Variants in FRMD1 observed in about 807,000 individuals in gnomAD.
FRMD1 encodes the protein FERM domain containing 1.
FRMD1 carries 51 observed loss-of-function variants against 54.9 expected under a neutral mutation model. The observed-to-expected ratio is 0.93, with a 90% confidence interval of 0.74 to 1.17. The LOEUF (loss-of-function observed/expected upper bound fraction) is 1.17, where lower values mean the gene tolerates loss of function less well. Ranked by LOEUF, FRMD1 falls within the 50% of genes most tolerant of loss-of-function variation. The probability of loss-of-function intolerance (pLI) is 0.00; values close to 1 mark genes in which losing one functional copy is unlikely to be tolerated. For synonymous variants in FRMD1, 324 were observed against 306.4 expected, an observed-to-expected ratio of 1.06 and a Z score of -0.60; for missense variants, 729 against 743.0, an observed-to-expected ratio of 0.98 and a Z score of 0.22.
chr6:168,063,197 C>T (rs551951610), intron 6 of FRMD1, among the ~76,000 whole-genome samples: 2 of 152,344 alleles, frequency 1.3e-5, no homozygotes, highest in African/African-American at 4.8e-5. Context: ...GAGAGCCTGG[C>T]CATGCCGGGC....
At chr6:168,075,688 C>A (rs1255116872) in intron 1 of FRMD1, 10 of 1,416,474 alleles carry the variant, frequency 7.1e-6, no homozygotes, top group East Asian at 2.5e-5. Flanking sequence ...TGTCCTCGCA[C>A]GGCACAAATG....
At chr6:168,075,209 G>T in intron 2 of FRMD1, 36 bp downstream of exon 2, 1 of 1,583,508 alleles carries the variant, frequency 6.3e-7, no homozygotes, top group Non-Finnish European at 8.7e-7. Flanking sequence ...TGCGGCCCCT[G>T]GGCATTCCTG....
At chr6:168,062,571 C>T (rs1052549952) in intron 7 of FRMD1, 2 of 1,218,128 alleles carry the variant, frequency 1.6e-6, no homozygotes, top group Non-Finnish European at 2.3e-6. Context: ...CAGGAAGGGA[C>T]CTGCACCTCT....
At chr6:168,063,819 C>T in intron 5 of FRMD1, 63 bp from the exon 6 acceptor site, 2 of 1,509,852 alleles carry the variant, frequency 1.3e-6, no homozygotes, top group East Asian at 2.5e-5. Flanking sequence ...CCTTGCCAGC[C>T]CCCTGCTCCG....
At chr6:168,082,081 A>C (rs1219603250), upstream of FRMD1, among the ~76,000 whole-genome samples, 1 of 152,030 alleles carries the variant, frequency 6.6e-6, no homozygotes, top group African/African-American at 2.4e-5. Context: ...GCCTGTGTGG[A>C]TGTGAGTGGG....
chr6:168,078,993 C>A lies in FRMD1; in HGVS notation c.102G>T (p.Arg34Ser), dbSNP rs781712962. The change falls in exon 1 of 11, where the codon AGG becomes AGT. Residue 34 changes from arginine to serine, a missense_variant. Arg to Ser is a moderately radical substitution (Grantham distance 110). Transcript: ENST00000283309. ...TCGGCTCCTGCTGACTGCATGCAGG[C>A]CTCTCAGGACTGGGTTCCATACATC... ...GARCMEPSPE[R>S]PACSQQEPTL... 3.1e-6 allele frequency: 5 copies of A among 1,612,278 alleles called. No individual in the cohort carries two copies. The African/African-American group carries it at 5.3e-5, about 17-fold the overall frequency.
At position 168,079,198 on chromosome 6, in the gene FRMD1, A is replaced by G. The variant is rs1209515136; in HGVS notation, c.-104T>C. 5.6e-6 allele frequency: 8 copies of G among 1,426,164 alleles called. No homozygotes were observed. The highest frequency in any genetic ancestry group is 7.3e-6 in the Non-Finnish European group (8 of 1,090,568). 88.3% of individuals were successfully genotyped at this position (1,426,164 alleles called of 1,614,324 possible). On this transcript the variant is annotated 5_prime_UTR_variant, in exon 1 of 11. Coordinates refer to ENST00000283309, the MANE Select transcript of FRMD1 (RefSeq NM_024919.6). ...GGGACCCGCCCTTGCCGAGCTTCTC[A>G]CTGGGAAGGGAATTGAGAGGGAAGC...
upstream of FRMD1, among the ~76,000 whole-genome samples, chr6:168,080,358 C>G (rs879824566): frequency 6.6e-6 from 1 of 151,402 alleles, no homozygotes; most frequent in Non-Finnish European, 1.5e-5. Flanking sequence ...GTGGCGGTCT[C>G]TTTTCTCTCC....
chr6:168,066,736 A>G lies in FRMD1; in HGVS notation c.461+19T>C. 6.2e-7 allele frequency: 1 copy of G among 1,605,570 alleles called. No homozygotes were observed. The highest frequency in any genetic ancestry group is 8.5e-7 in the Non-Finnish European group (1 of 1,176,648). ...TTCAGTATTCCAGGAAACACCCCTT[A>G]CAGTCCGCATGCCGTTACCTTATGA... is the stretch of plus-strand genomic sequence containing the variant. On this transcript the variant is annotated intron_variant, in intron 4 of 10. Transcript: ENST00000283309.
chr6:168,068,471 A>G (rs1183397174), intron 2 of FRMD1, among the ~76,000 whole-genome samples: 1 of 152,100 alleles, frequency 6.6e-6, no homozygotes, highest in Non-Finnish European at 1.5e-5. Flanking sequence ...CATGTACCCT[A>G]TGCACATCCT....
rs767371388 is a variant in FRMD1, at chr6:168,063,723, G to A, written c.682C>T (p.Arg228Trp). Reference sequence around the variant, plus strand: ...TCACGGTGCAGGGTAGGCATGTGCCGGAGGATGTAGTCAATCCCCCTCTTG... The same window carrying A: ...TCACGGTGCAGGGTAGGCATGTGCCAGAGGATGTAGTCAATCCCCCTCTTG... ...ITKRGIDYIL[R>W]HMPTLHRERQ... Residue 228 changes from arginine (R) to tryptophan (W), a missense_variant, in exon 6 of 11, where the codon CGG (arginine) becomes TGG (tryptophan). Transcript: ENST00000283309. The A allele has an allele frequency of 1.1e-5, 18 of 1,613,354 alleles. No individual in the cohort carries two copies. The highest frequency in any genetic ancestry group is 1.6e-4 in the Middle Eastern group (1 of 6,078).
At chr6:168,075,138 G>C (rs1205069073) in intron 2 of FRMD1, 107 bp downstream of exon 2, 6 of 860,734 alleles carry the variant, frequency 7.0e-6, no homozygotes, top group Non-Finnish European at 1.2e-5. Context: ...TATGAGAGTG[G>C]TGTATAACTG....
chr6:168,059,264 C>T lies in FRMD1; in HGVS notation c.1343-76G>A. On this transcript the variant is annotated intron_variant, in intron 9 of 10. Coordinates refer to ENST00000283309, the MANE Select transcript of FRMD1 (RefSeq NM_024919.6). The surrounding 1 kb of genome is among the most constrained non-coding windows in gnomAD (Gnocchi z 4.4). ...GGCTCCTCCCCAGGGCAGTTCCCTG[C>T]ACTTCTGGGGCCCTGGTCTCGGACC... 7.8e-7 allele frequency: 1 copy of T among 1,275,864 alleles called. No homozygotes were observed. Among genetic ancestry groups the T allele is most frequent in the Non-Finnish European group, 1.1e-6 (1 of 913,218 alleles). 79.0% of individuals were successfully genotyped at this position (1,275,864 alleles called of 1,614,324 possible). A position where few individuals can be genotyped will look rare whatever the true frequency, so the allele number is the denominator to read the frequency against.
At chr6:168,063,895 G>A in intron 5 of FRMD1, 139 bp from the exon 6 acceptor site, 1 of 978,808 alleles carries the variant, frequency 1.0e-6, no homozygotes, top group South Asian at 1.8e-5. Context: ...CCTGGCTGCT[G>A]AGCCCAGAAC....
upstream of FRMD1, among the ~76,000 whole-genome samples, chr6:168,086,220 ATGGACACCCACATCTTCAGTG>A: frequency 6.6e-6 from 1 of 151,716 alleles, no homozygotes; most frequent in East Asian, 1.9e-4. Context: ...ATGTTCCAGC[ATGGACACCCACATCTTCAGTG>A]TGGACACCCG....
chr6:168,070,878 C>T (rs1800273700), intron 2 of FRMD1, among the ~76,000 whole-genome samples: 1 of 152,234 alleles, frequency 6.6e-6, no homozygotes, highest in South Asian at 2.1e-4. Flanking sequence ...CTGGCGTTGG[C>T]TACAGGCTCC....
upstream of FRMD1, among the ~76,000 whole-genome samples, chr6:168,085,692 C>G (rs939681102): frequency 6.6e-6 from 1 of 152,168 alleles, no homozygotes. Flanking sequence ...TCTGCAACTG[C>G]CTCCCAGGTG....
chr6:168,071,863 C>T (rs901346808), intron 2 of FRMD1, among the ~76,000 whole-genome samples: 2 of 152,238 alleles, frequency 1.3e-5, no homozygotes, highest in African/African-American at 2.4e-5. Flanking sequence ...GCTGTCCCAG[C>T]GCTGCAGGCC....
At chr6:168,080,352 C>T (rs967400156), upstream of FRMD1, among the ~76,000 whole-genome samples, 6 of 150,914 alleles carry the variant, frequency 4.0e-5, no homozygotes, top group African/African-American at 9.7e-5. Context: ...ACAGCAGTGG[C>T]GGTCTCTTTT....
Sources: gnomAD v4.1 joint callset for allele counts (sites outside exome capture counted in the v4.1 genomes callset) on GRCh38, gnomAD v4.1.1 for gene constraint, Gnocchi (gnomAD v3.1) non-coding constraint, MANE v1.5 for transcripts, NCBI Gene and HGNC (gene_info 2026-07-23, HGNC 2026-07-21) for gene names.